The following POLR3E variants were observed in gnomAD, a reference collection of about 807,000 sequenced individuals.
POLR3E encodes the protein DNA-directed RNA polymerase III subunit RPC5.
In POLR3E, 41 loss-of-function variants were observed where a neutral mutation model predicts 96.6. That is an observed-to-expected ratio of 0.42 (90% CI 0.33 to 0.55). The LOEUF (loss-of-function observed/expected upper bound fraction) is 0.55, where lower values mean the gene tolerates loss of function less well. Among genes scored for constraint, POLR3E ranks in the 20% least tolerant of loss-of-function variants. The probability of loss-of-function intolerance (pLI) is 0.06; values close to 1 mark genes in which losing one functional copy is unlikely to be tolerated. For synonymous variants in POLR3E, 396 were observed against 383.6 expected, an observed-to-expected ratio of 1.03 and a Z score of -0.38; for missense variants, 849 against 952.1, an observed-to-expected ratio of 0.89 and a Z score of 1.43.
At chr16:22,330,364 C>T (rs1425336011) in intron 19 of POLR3E, among the ~76,000 whole-genome samples, 2 of 152,172 alleles carry the variant, frequency 1.3e-5, no homozygotes, top group Admixed American at 6.5e-5. Flanking sequence ...GGATTACAAG[C>T]GTGAGCCACC....
rs748092634 is a variant in POLR3E at position 22,318,902 on chromosome 16, C to T, written c.942C>T (p.Ile314=). ...SIDSVAVLRG[I]QKVAMLVQGN... is the part of the protein sequence containing the mutation. ...ATTCCGTGGCTGTTCTGCGGGGCATCCAGAAGGTGGCGATGTTGGTCCAAG... is the reference window on the plus strand; with the variant it reads ...ATTCCGTGGCTGTTCTGCGGGGCATTCAGAAGGTGGCGATGTTGGTCCAAG... The change falls in exon 13 of 21, where the codon ATC becomes ATT. Residue 314 remains isoleucine, a synonymous_variant. Coordinates refer to ENST00000299853, the MANE Select transcript of POLR3E (RefSeq NM_018119.4). The surrounding 1 kb of genome is among the most constrained non-coding windows in gnomAD (Gnocchi z 5.0). 1 of 1,613,390 alleles carries T rather than the reference C, an allele frequency of 6.2e-7. No homozygotes were observed. Among genetic ancestry groups the T allele is most frequent in the African/African-American group, 1.3e-5 (1 of 74,774 alleles).
At position 22,318,869 on chromosome 16, in the gene POLR3E, C is replaced by T. The variant is rs778566414; in HGVS notation, c.909C>T (p.Pro303=). ...PFANLMSLLG[P]SIDSVAVLRG... ...CCAACTTGATGAGCCTCCTGGGCCC[C>T]TCCATCGATTCCGTGGCTGTTCTGC... Residue 303 remains proline (P), a synonymous_variant, in exon 13 of 21, where the codon CCC becomes CCT. Transcript: ENST00000299853. The surrounding 1 kb of genome is among the most constrained non-coding windows in gnomAD (Gnocchi z 5.0). 6.2e-7 allele frequency: 1 copy of T among 1,613,720 alleles called. No individual in the cohort carries two copies. Among genetic ancestry groups the T allele is most frequent in the Non-Finnish European group, 8.5e-7 (1 of 1,179,752 alleles).
intron 1 of POLR3E, 108 bp from the exon 2 acceptor site, chr16:22,302,823 T>C: frequency 2.6e-6 from 2 of 755,970 alleles, no homozygotes; most frequent in Non-Finnish European, 4.9e-6. Flanking sequence ...AGAAGGTCAG[T>C]TGGTTGGTTG....
At chr16:22,326,484 G>A (rs2048598129) in intron 18 of POLR3E, 8 of 619,284 alleles carry the variant, frequency 1.3e-5, no homozygotes, top group Non-Finnish European at 2.0e-5. Context: ...CAGGACTGTG[G>A]TAGGGGCTAA....
intron 10 of POLR3E, 104 bp from the exon 11 acceptor site, chr16:22,316,891 G>A: frequency 1.6e-6 from 2 of 1,259,082 alleles, no homozygotes; most frequent in Middle Eastern, 2.1e-4. Context: ...GGAGGGCGGG[G>A]GTGGGCTGTC....
At chr16:22,303,891 A>G (rs2048081414) in intron 2 of POLR3E, among the ~76,000 whole-genome samples, 1 of 143,210 alleles carries the variant, frequency 7.0e-6, no homozygotes, top group South Asian at 2.2e-4. Context: ...GGCTCACCGC[A>G]GTCTCTGCCT....
At chr16:22,332,815 G>A (rs943323758) in intron 20 of POLR3E, among the ~76,000 whole-genome samples, 1 of 151,968 alleles carries the variant, frequency 6.6e-6, no homozygotes, top group Non-Finnish European at 1.5e-5. Context: ...AGTGACTGTA[G>A]TACAAATACC....
chr16:22,324,716 T>C lies in POLR3E; in HGVS notation c.1286+56T>C, dbSNP rs2048542529. ...CGGTGATCCCAGCAACCCTGCATCC[T>C]GGGGAGCACTGTCAGGGTGGATCCG... is the stretch of plus-strand genomic sequence containing the variant. On this transcript the variant is annotated intron_variant, in intron 16 of 20. Coordinates refer to ENST00000299853, the MANE Select transcript of POLR3E (RefSeq NM_018119.4). The C allele has an allele frequency of 1.7e-5, 26 of 1,562,334 alleles. 1 individual carries two copies. The South Asian group carries it at 2.9e-4, about 17-fold the overall frequency.
chr16:22,298,032 C>T (rs142372972), intron 1 of POLR3E, among the ~76,000 whole-genome samples: 1 of 152,364 alleles, frequency 6.6e-6, no homozygotes, highest in East Asian at 1.9e-4. Flanking sequence ...ACCGGATTAG[C>T]CTCTGCCCGG....
chr16:22,316,504 G>A (rs2048357941), intron 9 of POLR3E, 97 bp from the exon 10 acceptor site: 2 of 868,832 alleles, frequency 2.3e-6, no homozygotes, highest in Non-Finnish European at 1.9e-6. Context: ...TGGTCCTGTG[G>A]CTGGCCATGG....
chr16:22,328,761 G>C (rs2048666773), intron 19 of POLR3E, 174 bp downstream of exon 19: 5 of 609,284 alleles, frequency 8.2e-6, no homozygotes, highest in African/African-American at 1.8e-5. Context: ...AGCTGTATGT[G>C]CCAATAGTTT....
At chr16:22,302,262 G>C (rs139463663) in intron 1 of POLR3E, among the ~76,000 whole-genome samples, 11 of 152,258 alleles carry the variant, frequency 7.2e-5, no homozygotes, top group South Asian at 4.1e-4. Context: ...GCCTGGATTT[G>C]AAGTCCAGTT....
intron 6 of POLR3E, chr16:22,309,732 G>A: frequency 1.7e-6 from 1 of 584,042 alleles, no homozygotes; most frequent in South Asian, 2.0e-5. Flanking sequence ...CAGATGGGGT[G>A]GGGCTCCAAG....
chr16:22,311,223 C>G (rs1328419045), intron 6 of POLR3E, among the ~76,000 whole-genome samples: 1 of 150,978 alleles, frequency 6.6e-6, no homozygotes, highest in Non-Finnish European at 1.5e-5. Context: ...CCAGCCTTGG[C>G]CTCCCAGAGT....
In POLR3E at chr16:22,325,253, G is replaced by A. The variant is rs372744762; in HGVS notation, c.1335G>A (p.Pro445=). Residue 445 remains proline (P), a synonymous_variant, in exon 17 of 21, where the codon CCG becomes CCA. Transcript: ENST00000299853. ...TAAAGGAAACCATGCCAAAGAAGCCGGATGCACAATCAGGTGTGTGAGGGG... is the reference window on the plus strand; with the variant it reads ...TAAAGGAAACCATGCCAAAGAAGCCAGATGCACAATCAGGTGTGTGAGGGG... ...NLVKETMPKK[P]DAQSGPAGLV... 1.3e-5 allele frequency: 21 copies of A among 1,613,674 alleles called. No homozygotes were observed. Among genetic ancestry groups the A allele is most frequent in the Admixed American group, 3.3e-5 (2 of 60,022 alleles).
intron 6 of POLR3E, among the ~76,000 whole-genome samples, chr16:22,310,794 ATCCCTTAG>A (rs927074077): frequency 1.3e-5 from 2 of 152,032 alleles, no homozygotes; most frequent in Non-Finnish European, 2.9e-5. Flanking sequence ...ATGGTGGCAC[ATCCCTTAG>A]TCCCAGCTAC....
intron 19 of POLR3E, chr16:22,329,115 A>C: frequency 6.1e-6 from 1 of 165,134 alleles, no homozygotes; most frequent in Admixed American, 5.9e-5. Flanking sequence ...ACATAGATTC[A>C]GTTCTGTTCA....
At chr16:22,328,725 C>T in intron 19 of POLR3E, 138 bp downstream of exon 19, 1 of 712,054 alleles carries the variant, frequency 1.4e-6, no homozygotes. Context: ...AAATATCCTG[C>T]TCCAACTCTG....
intron 1 of POLR3E, 52 bp downstream of exon 1, chr16:22,297,589 C>T (rs1353086892): frequency 6.6e-6 from 1 of 152,470 alleles, no homozygotes; most frequent in Non-Finnish European, 1.5e-5. Flanking sequence ...GGACCGCACT[C>T]ACGACGTGGG....
Sources: gnomAD v4.1 joint callset for allele counts (sites outside exome capture counted in the v4.1 genomes callset) on GRCh38, gnomAD v4.1.1 for gene constraint, Gnocchi (gnomAD v3.1) non-coding constraint, MANE v1.5 for transcripts, NCBI Gene and HGNC (gene_info 2026-07-23, HGNC 2026-07-21) for gene names.